PLEKHD1: variants seen among roughly 807,000 people sequenced by gnomAD.
PLEKHD1 encodes pleckstrin homology and coiled-coil domain containing D1, also known as pleckstrin homology domain-containing family D member 1.
PLEKHD1 carries 51 observed loss-of-function variants against 69.2 expected under a neutral mutation model. That is an observed-to-expected ratio of 0.74 (90% CI 0.59 to 0.93). The LOEUF is 0.93. PLEKHD1 is among the 40% of genes least tolerant of loss of function. The pLI, the probability that PLEKHD1 is intolerant of heterozygous loss-of-function variation, is 0.00. For synonymous variants in PLEKHD1, 236 were observed against 244.7 expected, an observed-to-expected ratio of 0.96 and a Z score of 0.33; for missense variants, 584 against 641.0, an observed-to-expected ratio of 0.91 and a Z score of 0.96.
chr14:69,513,471 C>G (rs1004179530), intron 6 of PLEKHD1, among the ~76,000 whole-genome samples: 1 of 152,068 alleles, frequency 6.6e-6, no homozygotes, highest in African/African-American at 2.4e-5. Flanking sequence ...CTTATTTGAA[C>G]GCAGTTTGGA....
intron 6 of PLEKHD1, among the ~76,000 whole-genome samples, chr14:69,512,843 C>T (rs1208040721): frequency 6.6e-6 from 1 of 150,860 alleles, no homozygotes. Flanking sequence ...AGGAGGATTG[C>T]TTGAGGCCAG....
At chr14:69,482,633 G>C (rs1882562593), upstream of PLEKHD1, among the ~76,000 whole-genome samples, 1 of 152,226 alleles carries the variant, frequency 6.6e-6, no homozygotes, top group African/African-American at 2.4e-5. Flanking sequence ...AGGCACGTCA[G>C]ATGCATGTGC....
chr14:69,501,237 G>T (rs536184226), intron 4 of PLEKHD1: 7 of 499,434 alleles, frequency 1.4e-5, no homozygotes, highest in African/African-American at 9.6e-5. Context: ...ACCTCCCCAG[G>T]CCCATAATTA....
intron 6 of PLEKHD1, among the ~76,000 whole-genome samples, chr14:69,511,922 G>T (rs886332253): frequency 6.6e-6 from 1 of 152,130 alleles, no homozygotes; most frequent in African/African-American, 2.4e-5. Flanking sequence ...AATGGATTAG[G>T]AAATATTCCC....
chr14:69,523,888 A>G (rs1883577941), intron 7 of PLEKHD1, among the ~76,000 whole-genome samples: 1 of 152,204 alleles, frequency 6.6e-6, no homozygotes. Context: ...CAGAATGACC[A>G]TGGGTTCTAG....
chr14:69,497,489 G>A (rs1319255367), intron 1 of PLEKHD1, among the ~76,000 whole-genome samples: 1 of 152,270 alleles, frequency 6.6e-6, no homozygotes, highest in Admixed American at 6.5e-5. Flanking sequence ...GCTAGCAAGT[G>A]CAGAAGGAGC....
chr14:69,478,814 G>T, the PLEKHD1 span, among the ~76,000 whole-genome samples: 1 of 152,098 alleles, frequency 6.6e-6, no homozygotes, highest in African/African-American at 2.4e-5. Flanking sequence ...ACATTTTCCT[G>T]TCTTCTTCTG....
chr14:69,500,256 G>T (rs1181937200), intron 2 of PLEKHD1, 48 bp downstream of exon 2: 1 of 1,409,848 alleles, frequency 7.1e-7, no homozygotes, highest in Non-Finnish European at 9.8e-7. Flanking sequence ...CCCAGTGCGG[G>T]CATCAGAGCT....
intron 8 of PLEKHD1, among the ~76,000 whole-genome samples, chr14:69,525,629 G>T (rs17836256): frequency 6.6e-6 from 1 of 152,002 alleles, no homozygotes; most frequent in Non-Finnish European, 1.5e-5. Context: ...TGTTTTTCAC[G>T]TAAGCCCACT....
At chr14:69,483,569 C>A (rs1882585706), upstream of PLEKHD1, among the ~76,000 whole-genome samples, 1 of 152,136 alleles carries the variant, frequency 6.6e-6, no homozygotes, top group Admixed American at 6.5e-5. Flanking sequence ...ATCTTATATA[C>A]CTTCATCAAA....
upstream of PLEKHD1, among the ~76,000 whole-genome samples, chr14:69,481,985 A>G (rs1281510922): frequency 6.6e-6 from 1 of 152,164 alleles, no homozygotes; most frequent in Non-Finnish European, 1.5e-5. Context: ...AAGCAGAAAC[A>G]GCTTCTCCCA....
intron 8 of PLEKHD1, 112 bp downstream of exon 8, chr14:69,524,434 G>C: frequency 1.1e-6 from 1 of 880,908 alleles, no homozygotes. Context: ...AAGAGAAATG[G>C]GCATGGAGGG....
In PLEKHD1 at chr14:69,527,230, G is replaced by A. The variant is rs1166770631; in HGVS notation, c.1099G>A (p.Glu367Lys). ...CATGGACCTGGAGAGGCGTCTCCGGGAGGCAGAAGGGGCCTTGCGAAGCCT... is the reference window on the plus strand; with the variant it reads ...CATGGACCTGGAGAGGCGTCTCCGGAAGGCAGAAGGGGCCTTGCGAAGCCT... ...VRMDLERRLR[E>K]AEGALRSLEQ... Residue 367 changes from glutamate (E) to lysine (K), a missense_variant, in exon 11 of 13, where the codon GAG becomes AAG. By Grantham distance (56) the Glu-to-Lys change is moderately conservative. Transcript: ENST00000322564. The A allele has an allele frequency of 1.3e-6, 2 of 1,551,694 alleles. No homozygotes were observed. The highest frequency in any genetic ancestry group is 1.7e-6 in the Non-Finnish European group (2 of 1,146,976).
chr14:69,509,631 AC>A (rs1276894630), intron 6 of PLEKHD1, among the ~76,000 whole-genome samples: 1 of 151,738 alleles, frequency 6.6e-6, no homozygotes, highest in African/African-American at 2.4e-5. Context: ...TTGTTCAAGT[AC>A]CATATGTTGA....
At chr14:69,505,969 T>G (rs1883143169) in intron 6 of PLEKHD1, among the ~76,000 whole-genome samples, 1 of 152,198 alleles carries the variant, frequency 6.6e-6, no homozygotes, top group Non-Finnish European at 1.5e-5. Flanking sequence ...AGCTCAGCCA[T>G]GCACATGAGC....
At chr14:69,514,526 T>G (rs1883340345) in intron 6 of PLEKHD1, among the ~76,000 whole-genome samples, 1 of 152,384 alleles carries the variant, frequency 6.6e-6, no homozygotes, top group East Asian at 1.9e-4. Flanking sequence ...AGTTTGCGTT[T>G]AAATTCCTGG....
intron 6 of PLEKHD1, among the ~76,000 whole-genome samples, chr14:69,513,332 A>G (rs1883313678): frequency 6.6e-6 from 1 of 152,230 alleles, no homozygotes; most frequent in Non-Finnish European, 1.5e-5. Flanking sequence ...TCAGAATCAC[A>G]GCAGATTGAC....
At chr14:69,520,312 A>G (rs1334248047) in intron 6 of PLEKHD1, among the ~76,000 whole-genome samples, 1 of 151,926 alleles carries the variant, frequency 6.6e-6, no homozygotes, top group East Asian at 1.9e-4. Flanking sequence ...AGGAGAGGGA[A>G]TATGTGAGGT....
Position 69,528,530 on chromosome 14 carries a change from T to G in PLEKHD1, c.*111T>G. The G allele has an allele frequency of 3.0e-6, 4 of 1,351,988 alleles. No homozygotes were observed. The highest frequency in any genetic ancestry group is 9.9e-7 in the Non-Finnish European group (1 of 1,014,736). The allele number at this position is 1,351,988 out of a possible 1,614,324, so 83.7% of individuals were successfully genotyped here. A position where few individuals can be genotyped will look rare whatever the true frequency, so the allele number is the denominator to read the frequency against. ...CTCCTGGCCTCTCTGGTCTGGAGCC[T>G]ATGTCTCCTCTGGGCCGGAGCTCCA... On this transcript the variant is annotated 3_prime_UTR_variant, in exon 13 of 13. Coordinates refer to ENST00000322564, the MANE Select transcript of PLEKHD1 (RefSeq NM_001161498.2).
Sources: gnomAD v4.1 joint callset for allele counts (sites outside exome capture counted in the v4.1 genomes callset) on GRCh38, gnomAD v4.1.1 for gene constraint, MANE v1.5 for transcripts, NCBI Gene and HGNC (gene_info 2026-07-23, HGNC 2026-07-21) for gene names.